Variants in MORN1 observed in about 807,000 individuals in gnomAD.
MORN1 encodes MORN repeat containing 1.
MORN1 carries 67 observed loss-of-function variants against 61.9 expected under a neutral mutation model. That is an observed-to-expected ratio of 1.08 (90% confidence interval 0.89 to 1.33). MORN1 has a LOEUF of 1.33. Ranked by LOEUF, MORN1 falls within the 40% of genes most tolerant of loss-of-function variation. The pLI is 0.00. For synonymous variants in MORN1, 301 were observed against 292.0 expected (o/e 1.03, Z -0.31); for missense variants, 752 against 691.2 (o/e 1.09, Z -0.99).
chr1:2,347,100 C>CA (rs374637431), intron 10 of MORN1, among the ~76,000 whole-genome samples: 6 of 152,292 alleles, frequency 3.9e-5, no homozygotes, highest in African/African-American at 1.4e-4. Context: ...ATGGGGAACT[C>CA]AAAGCACCCT....
chr1:2,388,239 C>T lies in MORN1; in HGVS notation c.247G>A (p.Gly83Arg). The change falls in exon 3 of 14, where the codon GGA becomes AGA. Residue 83 changes from glycine (G) to arginine (R), a missense_variant and splice_region_variant. Gly to Arg is a moderately radical substitution (Grantham distance 125). Transcript: ENST00000378531. ...ATGTGCCATCCCAGCTAGAGCTCAC[C>T]TGACCAGGCCCAGTGCCGGCGGCCT... ...GEGRRHWAWSGDTFSGQFVLG... is the reference protein window; with the variant it reads ...GEGRRHWAWSRDTFSGQFVLG... The T allele has an allele frequency of 6.2e-7, 1 of 1,613,232 alleles. No individual in the cohort carries two copies. Among genetic ancestry groups the T allele is most frequent in the Non-Finnish European group, 8.5e-7 (1 of 1,179,522 alleles).
rs182186221 is a variant in MORN1, at chr1:2,331,843, G to A, written c.1250+4626C>T. Among the ~76,000 whole-genome samples, 267 of 129,718 alleles carry A rather than the reference G, an allele frequency of 2.1e-3. 8 individuals carry two copies. The East Asian group carries it at 0.059, about 29-fold the overall frequency. The allele number at this position is 129,718 out of a possible 152,430, so 85.1% of individuals were successfully genotyped here. On this transcript the variant is annotated intron_variant, in intron 12 of 13. Coordinates refer to ENST00000378531, the MANE Select transcript of MORN1 (RefSeq NM_024848.3). The stretch of plus-strand genomic sequence containing the variant: ...CCGCCGCTGCGCCTCTCCCTCGTGC[G>A]GCTCTCCCGCCCCTGCGCCTCTCCC...
intron 10 of MORN1, among the ~76,000 whole-genome samples, chr1:2,356,262 C>T (rs116787018): frequency 0.012 from 1,797 of 152,242 alleles, 38 homozygotes; most frequent in African/African-American, 0.041. Context: ...GGATTGAGCT[C>T]GCATCGGCCA....
At chr1:2,356,786 TCGC>T (rs1641780364) in intron 10 of MORN1, among the ~76,000 whole-genome samples, 1 of 152,196 alleles carries the variant, frequency 6.6e-6, no homozygotes, top group African/African-American at 2.4e-5. Flanking sequence ...TGTGCACTGC[TCGC>T]TGCACCGGAG....
intron 6 of MORN1, among the ~76,000 whole-genome samples, chr1:2,384,614 G>C (rs1179617342): frequency 6.6e-6 from 1 of 152,202 alleles, no homozygotes; most frequent in Non-Finnish European, 1.5e-5. Flanking sequence ...CGGTGGAGAA[G>C]GCCCCGCCTC....
At chr1:2,327,664 C>T (rs1180839743) in intron 12 of MORN1, among the ~76,000 whole-genome samples, 1 of 152,222 alleles carries the variant, frequency 6.6e-6, no homozygotes, top group African/African-American at 2.4e-5. Context: ...GAAGCACAGA[C>T]AGGAGATGGG....
At chr1:2,389,415 T>G (rs1642589021) in intron 2 of MORN1, among the ~76,000 whole-genome samples, 1 of 152,216 alleles carries the variant, frequency 6.6e-6, no homozygotes, top group African/African-American at 2.4e-5. Context: ...ATTACAGGTG[T>G]GCCTTACCAC....
At chr1:2,385,547 A>G in intron 5 of MORN1, 1 of 219,806 alleles carries the variant, frequency 4.5e-6, no homozygotes, top group East Asian at 9.1e-5. Context: ...AGGTATTTTA[A>G]TCGGGGGGGG....
At chr1:2,364,935 C>T (rs1164994503) in intron 8 of MORN1, among the ~76,000 whole-genome samples, 1 of 152,162 alleles carries the variant, frequency 6.6e-6, no homozygotes, top group Non-Finnish European at 1.5e-5. Flanking sequence ...TGTTTTGGTA[C>T]CAGTACCATG....
chr1:2,364,910 A>G (rs550349625), intron 8 of MORN1, among the ~76,000 whole-genome samples: 4 of 152,164 alleles, frequency 2.6e-5, no homozygotes, highest in South Asian at 4.2e-4. Flanking sequence ...GCTCTGTTCC[A>G]TTGATCTATA....
intron 8 of MORN1, among the ~76,000 whole-genome samples, chr1:2,364,530 A>G (rs969158318): frequency 6.7e-6 from 1 of 148,510 alleles, no homozygotes; most frequent in Non-Finnish European, 1.5e-5. Context: ...CTCTGATGGT[A>G]GTCTCTTTTG....
chr1:2,321,708 G>A (rs2100210649), intron 13 of MORN1, 129 bp from the exon 14 acceptor site: 2 of 1,259,366 alleles, frequency 1.6e-6, no homozygotes, highest in Non-Finnish European at 1.0e-6. Context: ...CTCTGCCTGG[G>A]TTCTGGGATT....
intron 7 of MORN1, 86 bp downstream of exon 7, chr1:2,374,375 C>A: frequency 8.5e-7 from 1 of 1,182,022 alleles, no homozygotes; most frequent in South Asian, 1.4e-5. Flanking sequence ...TGCTCTTGGT[C>A]AGTGTTTCCC....
intron 12 of MORN1, among the ~76,000 whole-genome samples, chr1:2,333,772 G>T (rs1641209988): frequency 6.6e-6 from 1 of 152,216 alleles, no homozygotes; most frequent in Non-Finnish European, 1.5e-5. Flanking sequence ...CCTCTCCTGT[G>T]CCTGGCACGG....
At chr1:2,346,530 C>T (rs968604454) in intron 10 of MORN1, among the ~76,000 whole-genome samples, 7 of 152,112 alleles carry the variant, frequency 4.6e-5, no homozygotes, top group South Asian at 4.1e-4. Context: ...GGATTACAGG[C>T]GCCCGCCACC....
chr1:2,351,794 T>C (rs1467099167), intron 10 of MORN1: 1 of 566,038 alleles, frequency 1.8e-6, no homozygotes, highest in East Asian at 4.6e-5. Context: ...CTCGGCCATC[T>C]TGTAGGATAC....
intron 3 of MORN1, chr1:2,387,878 C>T (rs897780710): frequency 3.3e-5 from 14 of 423,626 alleles, no homozygotes; most frequent in South Asian, 7.3e-5. Flanking sequence ...GAGAACCCAC[C>T]GACCCCTCTG....
At chr1:2,346,903 AC>A (rs1232821010) in intron 10 of MORN1, among the ~76,000 whole-genome samples, 2 of 151,368 alleles carry the variant, frequency 1.3e-5, no homozygotes, top group Admixed American at 6.6e-5. Context: ...CTCCCTGCCC[AC>A]CCCCGGCCCA....
chr1:2,389,848 C>A, intron 2 of MORN1, 77 bp downstream of exon 2: 1 of 1,383,580 alleles, frequency 7.2e-7, no homozygotes, highest in Non-Finnish European at 1.0e-6. Flanking sequence ...CACTTGCCCA[C>A]CCAACCTCCC....
Sources: gnomAD v4.1 joint callset for allele counts (sites outside exome capture counted in the v4.1 genomes callset) on GRCh38, gnomAD v4.1.1 for gene constraint, MANE v1.5 for transcripts, NCBI Gene and HGNC (gene_info 2026-07-23, HGNC 2026-07-21) for gene names.